Variants in TOP6BL observed in about 807,000 individuals in gnomAD.
TOP6BL encodes the protein type 2 DNA topoisomerase 6 subunit B-like.
chr11:66,843,372 G>A, the TOP6BL span: 2 of 1,439,550 alleles, frequency 1.4e-6, no homozygotes, highest in Non-Finnish European at 1.8e-6. Flanking sequence ...GGGGCGGGGC[G>A]GGGCGTGGAG....
chr11:66,814,836 T>G, the TOP6BL span, among the ~76,000 whole-genome samples: 1 of 152,226 alleles, frequency 6.6e-6, no homozygotes, highest in African/African-American at 2.4e-5. Context: ...CCTAGGAAGC[T>G]GGCTGTAATA....
At chr11:66,840,575 C>T in the TOP6BL span, among the ~76,000 whole-genome samples, 2 of 152,162 alleles carry the variant, frequency 1.3e-5, no homozygotes, top group African/African-American at 4.8e-5. Flanking sequence ...CTCTCCCTCA[C>T]ATCTCAGCCA....
the TOP6BL span, chr11:66,756,405 T>C: frequency 1.8e-6 from 2 of 1,139,540 alleles, no homozygotes; most frequent in African/African-American, 1.7e-5. Flanking sequence ...CAGTCTCGGC[T>C]CACTGCAACC....
chr11:66,798,444 A>G, the TOP6BL span, among the ~76,000 whole-genome samples: 1 of 151,838 alleles, frequency 6.6e-6, no homozygotes, highest in Non-Finnish European at 1.5e-5. Flanking sequence ...TACTAAAAAT[A>G]CAAAAATTAG....
the TOP6BL span, among the ~76,000 whole-genome samples, chr11:66,821,340 C>T: frequency 2.0e-4 from 30 of 148,562 alleles, no homozygotes; most frequent in Non-Finnish European, 3.8e-4. Flanking sequence ...CAGGCTGGAG[C>T]GCAGTGGCAC....
chr11:66,762,227 C>CCG, the TOP6BL span: 1 of 599,910 alleles, frequency 1.7e-6, no homozygotes, highest in Non-Finnish European at 3.0e-6. Context: ...GCCCGCGAGG[C>CCG]CGCAGGGGGC....
At chr11:66,796,512 G>T in the TOP6BL span, 1 of 656,140 alleles carries the variant, frequency 1.5e-6, no homozygotes, top group South Asian at 2.4e-5. Flanking sequence ...GGTCATGGTG[G>T]CTCATACCTG....
At chr11:66,828,382 G>C in the TOP6BL span, 11 of 1,573,154 alleles carry the variant, frequency 7.0e-6, no homozygotes, top group Non-Finnish European at 9.6e-6. Flanking sequence ...TAAATAATCA[G>C]TACTTTGGTG....
the TOP6BL span, among the ~76,000 whole-genome samples, chr11:66,794,112 TAAAAAAAAAAA>T: frequency 1.8e-5 from 2 of 110,522 alleles, no homozygotes; most frequent in African/African-American, 3.4e-5. Context: ...ACCCTGTTTC[TAAAAAAAAAAA>T]AAAAAAAAAG....
At chr11:66,792,053 G>A in the TOP6BL span, among the ~76,000 whole-genome samples, 1 of 152,200 alleles carries the variant, frequency 6.6e-6, no homozygotes, top group Admixed American at 6.5e-5. Flanking sequence ...CTCATGATCC[G>A]CCTGCCTCGG....
At chr11:66,804,418 G>A in the TOP6BL span, among the ~76,000 whole-genome samples, 1 of 152,136 alleles carries the variant, frequency 6.6e-6, no homozygotes, top group Non-Finnish European at 1.5e-5. Flanking sequence ...TATGACTGAA[G>A]CATGAAATGA....
chr11:66,788,092 C>T, the TOP6BL span: 4 of 1,141,058 alleles, frequency 3.5e-6, no homozygotes, highest in Admixed American at 5.5e-5. Context: ...GTTTAATAAA[C>T]AAATCCAGAA....
the TOP6BL span, chr11:66,838,356 A>AT: frequency 2.1e-5 from 34 of 1,612,918 alleles, no homozygotes; most frequent in East Asian, 2.0e-4. Context: ...AGGACTTCTA[A>AT]TTTTTTTAAG....
chr11:66,788,539 A>T, the TOP6BL span, among the ~76,000 whole-genome samples: 225 of 152,162 alleles, frequency 1.5e-3, 5 homozygotes, highest in Non-Finnish European at 3.2e-4. Flanking sequence ...AATACCACAG[A>T]CTAGATGGCT....
chr11:66,836,433 T>C, the TOP6BL span, among the ~76,000 whole-genome samples: 1 of 151,698 alleles, frequency 6.6e-6, no homozygotes, highest in Non-Finnish European at 1.5e-5. Context: ...ATGGTCTCAA[T>C]CTCCTGATTT....
At chr11:66,814,120 C>A in the TOP6BL span, 1 of 1,269,318 alleles carries the variant, frequency 7.9e-7, no homozygotes, top group Non-Finnish European at 1.1e-6. Flanking sequence ...GACCAGAGAT[C>A]TGATGGCCCA....
At chr11:66,763,863 C>G in the TOP6BL span, among the ~76,000 whole-genome samples, 1 of 152,332 alleles carries the variant, frequency 6.6e-6, no homozygotes, top group Admixed American at 6.5e-5. Flanking sequence ...GCAACAGCCT[C>G]CCAAAACGTA....
the TOP6BL span, among the ~76,000 whole-genome samples, chr11:66,757,698 T>C: frequency 6.6e-6 from 1 of 152,176 alleles, no homozygotes; most frequent in East Asian, 1.9e-4. Flanking sequence ...GTGATTCTCC[T>C]GCCTCAGTCT....
At chr11:66,762,704 C>T in the TOP6BL span, among the ~76,000 whole-genome samples, 1 of 152,166 alleles carries the variant, frequency 6.6e-6, no homozygotes, top group Non-Finnish European at 1.5e-5. Context: ...CTCCTGATCT[C>T]GTGATCCGCC....
Sources: gnomAD v4.1 joint callset for allele counts (sites outside exome capture counted in the v4.1 genomes callset) on GRCh38, gnomAD v4.1.1 for gene constraint, MANE v1.5 for transcripts, NCBI Gene and HGNC (gene_info 2026-07-23, HGNC 2026-07-21) for gene names.